Variants in ZNF362 observed in about 807,000 individuals in gnomAD.
ZNF362 encodes the protein rotund homolog.
Under a neutral mutation model 42.9 loss-of-function variants are expected in ZNF362, and 11 were observed. The observed-to-expected ratio is 0.26, with a 90% CI of 0.16 to 0.42. The LOEUF (loss-of-function observed/expected upper bound fraction) is 0.42. Among genes scored for constraint, ZNF362 ranks in the 20% least tolerant of loss-of-function variants. ZNF362 has a pLI of 1.00. For synonymous variants in ZNF362, 255 were observed against 257.3 expected (o/e 0.99, Z 0.09); for missense variants, 362 against 576.2 (o/e 0.63, Z 3.81).
chr1:33,155,292 G>A, the ZNF362 span, among the ~76,000 whole-genome samples: 1 of 151,712 alleles, frequency 6.6e-6, no homozygotes, highest in Non-Finnish European at 1.5e-5. Context: ...GGCTGGTCTC[G>A]AACTCCTGAC....
intron 6 of ZNF362, among the ~76,000 whole-genome samples, chr1:33,290,772 G>A (rs943620416): frequency 3.3e-5 from 5 of 152,148 alleles, no homozygotes; most frequent in Non-Finnish European, 7.4e-5. Flanking sequence ...GGTGTGAGAT[G>A]GTATCTTATT....
At chr1:33,182,997 C>A in the ZNF362 span, among the ~76,000 whole-genome samples, 1 of 152,190 alleles carries the variant, frequency 6.6e-6, no homozygotes, top group Admixed American at 6.5e-5. Context: ...TCCAATGTGT[C>A]TGCGGATGCA....
the ZNF362 span, among the ~76,000 whole-genome samples, chr1:33,131,912 G>A: frequency 6.6e-6 from 1 of 152,076 alleles, no homozygotes; most frequent in Non-Finnish European, 1.5e-5. Flanking sequence ...CAGAAACCTT[G>A]AGGGGAAATG....
chr1:33,165,658 G>T, the ZNF362 span: 1 of 1,141,656 alleles, frequency 8.8e-7, no homozygotes, highest in Non-Finnish European at 1.2e-6. This position sits in a 1 kb window ranked among gnomAD's most constrained non-coding sequence, Gnocchi z 4.0. Context: ...GGGTTAGCCT[G>T]GTCTCTGTCC....
At chr1:33,202,293 A>G in the ZNF362 span, among the ~76,000 whole-genome samples, 2 of 152,212 alleles carry the variant, frequency 1.3e-5, no homozygotes, top group South Asian at 4.1e-4. Context: ...ATTTAACAAT[A>G]TATAAAGAAG....
chr1:33,288,531 G>T (rs995771316), intron 6 of ZNF362, among the ~76,000 whole-genome samples: 1 of 151,890 alleles, frequency 6.6e-6, no homozygotes, highest in African/African-American at 2.4e-5. Context: ...TTGAGGTCAG[G>T]AGTTTGAGAC....
the ZNF362 span, among the ~76,000 whole-genome samples, chr1:33,205,530 T>C: frequency 6.6e-6 from 1 of 151,812 alleles, no homozygotes; most frequent in African/African-American, 2.4e-5. Flanking sequence ...AAAAATAACT[T>C]TGAAAAAAAA....
chr1:33,287,217 G>A (rs72658204), intron 6 of ZNF362, among the ~76,000 whole-genome samples: 8,793 of 152,324 alleles, frequency 0.058, 345 homozygotes, highest in African/African-American at 0.12. Flanking sequence ...TGCAGTTAGT[G>A]TATGTGTAAG....
At chr1:33,170,334 AAT>A in the ZNF362 span, among the ~76,000 whole-genome samples, 1 of 151,536 alleles carries the variant, frequency 6.6e-6, no homozygotes, top group East Asian at 1.9e-4. Context: ...AAAAAAAAAA[AAT>A]CTCCCCTACT....
At chr1:33,287,995 A>C (rs1447677715) in intron 6 of ZNF362, among the ~76,000 whole-genome samples, 1 of 152,256 alleles carries the variant, frequency 6.6e-6, no homozygotes, top group African/African-American at 2.4e-5. Flanking sequence ...AAAAGTGATA[A>C]TTCATGAATC....
the ZNF362 span, among the ~76,000 whole-genome samples, chr1:33,221,293 T>A: frequency 6.6e-6 from 1 of 152,136 alleles, no homozygotes; most frequent in East Asian, 1.9e-4. Context: ...TGGGTGGGGA[T>A]CCTGGGAAGG....
At chr1:33,245,238 C>T in the ZNF362 span, among the ~76,000 whole-genome samples, 3 of 152,174 alleles carry the variant, frequency 2.0e-5, no homozygotes, top group African/African-American at 7.2e-5. Context: ...ATGGTATTTG[C>T]CCCATTTTTA....
chr1:33,208,248 G>A, the ZNF362 span, among the ~76,000 whole-genome samples: 2 of 152,080 alleles, frequency 1.3e-5, no homozygotes, highest in South Asian at 2.1e-4. Flanking sequence ...GGTTGTAGAC[G>A]TGTTATTTCT....
the ZNF362 span, among the ~76,000 whole-genome samples, chr1:33,151,623 C>G: frequency 1.3e-5 from 2 of 152,292 alleles, no homozygotes; most frequent in African/African-American, 4.8e-5. Flanking sequence ...TGGGGGCTCA[C>G]TATTCTACAG....
the ZNF362 span, chr1:33,176,483 C>A: frequency 1.5e-6 from 1 of 688,130 alleles, no homozygotes; most frequent in South Asian, 1.5e-5. Flanking sequence ...CTCCAATGGT[C>A]ACATGAGGCC....
At chr1:33,293,280 A>G (rs1027096107) in intron 6 of ZNF362, among the ~76,000 whole-genome samples, 3 of 152,220 alleles carry the variant, frequency 2.0e-5, no homozygotes, top group Admixed American at 6.5e-5. Context: ...GGGGAGACTT[A>G]TCAGACATGG....
chr1:33,156,168 T>A, the ZNF362 span, among the ~76,000 whole-genome samples: 1 of 152,228 alleles, frequency 6.6e-6, no homozygotes, highest in Admixed American at 6.5e-5. Context: ...CTTCCTCTCC[T>A]ACATCCTTAA....
At chr1:33,218,939 A>T in the ZNF362 span, among the ~76,000 whole-genome samples, 2 of 9,988 alleles carry the variant, frequency 2.0e-4, no homozygotes, top group African/African-American at 4.8e-4. Flanking sequence ...ACATACACAC[A>T]CACACACACA....
the ZNF362 span, among the ~76,000 whole-genome samples, chr1:33,236,211 A>G: frequency 6.6e-6 from 1 of 151,950 alleles, no homozygotes; most frequent in Non-Finnish European, 1.5e-5. Context: ...AACATACTTT[A>G]TATCATCACC....
Sources: gnomAD v4.1 joint callset for allele counts (sites outside exome capture counted in the v4.1 genomes callset) on GRCh38, gnomAD v4.1.1 for gene constraint, Gnocchi (gnomAD v3.1) non-coding constraint, MANE v1.5 for transcripts, NCBI Gene and HGNC (gene_info 2026-07-23, HGNC 2026-07-21) for gene names.